The following PTPRD variants were observed in gnomAD, a reference collection of about 807,000 sequenced individuals.
PTPRD encodes receptor-type tyrosine-protein phosphatase delta.
A neutral mutation model predicts 214.5 loss-of-function variants in PTPRD; 34 were observed. The observed-to-expected ratio is 0.16, with a 90% CI of 0.12 to 0.21. PTPRD has a LOEUF of 0.21. PTPRD is among the 10% of genes least tolerant of loss of function. The pLI is 1.00. For missense variants in PTPRD, 2,545 were observed against 2,398.7 expected (o/e 1.06, Z -1.27); for synonymous variants, 1,128 against 845.7 (o/e 1.33, Z -5.79).
intron 8 of PTPRD, among the ~76,000 whole-genome samples, chr9:9,503,821 C>T (rs2096497527): frequency 6.6e-6 from 1 of 151,692 alleles, no homozygotes; most frequent in Admixed American, 6.6e-5. Flanking sequence ...ATGCCTATCA[C>T]AGAAGACTGC....
intron 14 of PTPRD, among the ~76,000 whole-genome samples, chr9:8,614,499 G>A (rs1213692679): frequency 1.3e-5 from 2 of 152,160 alleles, no homozygotes; most frequent in Non-Finnish European, 2.9e-5. Context: ...CAGGATAAAT[G>A]AGGGTAGACT....
chr9:10,562,547 A>G (rs1410528389), intron 2 of PTPRD, among the ~76,000 whole-genome samples: 15 of 152,144 alleles, frequency 9.9e-5, no homozygotes, highest in African/African-American at 3.6e-4. Context: ...AACATCTTGA[A>G]ATCCTGAATA....
At chr9:9,380,774 G>T (rs1030378222) in intron 9 of PTPRD, among the ~76,000 whole-genome samples, 1 of 152,066 alleles carries the variant, frequency 6.6e-6, no homozygotes. Flanking sequence ...TCTGATACAG[G>T]ACTGTCAAAA....
At position 8,526,650 on chromosome 9, in the gene PTPRD, T is replaced by C; in HGVS notation, c.551-6A>G. ...ACCTCTTATTGGTGTACCACCTGGG[T>C]GGATAATATGAATGCAAATAAGATT... On this transcript the variant is annotated splice_polypyrimidine_tract_variant and splice_region_variant and intron_variant, in intron 16 of 45. Transcript: ENST00000381196. The C allele has an allele frequency of 6.4e-7, 1 of 1,571,474 alleles. No individual in the cohort carries two copies. Among genetic ancestry groups the C allele is most frequent in the Non-Finnish European group, 8.7e-7 (1 of 1,155,508 alleles).
At chr9:9,440,592 CAAGG>C (rs1201324538) in intron 8 of PTPRD, among the ~76,000 whole-genome samples, 1 of 152,140 alleles carries the variant, frequency 6.6e-6, no homozygotes, top group Non-Finnish European at 1.5e-5. Context: ...TAAAAGTCTC[CAAGG>C]AATGATACTG....
intron 3 of PTPRD, among the ~76,000 whole-genome samples, chr9:10,236,767 A>C (rs185510648): frequency 6.6e-6 from 1 of 151,932 alleles, no homozygotes; most frequent in Non-Finnish European, 1.5e-5. Context: ...TTCATGTTTT[A>C]GTTCAAAATA....
At chr9:10,030,794 T>C (rs1381036217) in intron 4 of PTPRD, among the ~76,000 whole-genome samples, 1 of 152,186 alleles carries the variant, frequency 6.6e-6, no homozygotes, top group Non-Finnish European at 1.5e-5. Context: ...CCAGGTAATT[T>C]GTCATACTCC....
intron 3 of PTPRD, among the ~76,000 whole-genome samples, chr9:10,190,483 C>T (rs2099358926): frequency 1.4e-5 from 2 of 144,694 alleles, no homozygotes; most frequent in Admixed American, 7.0e-5. Context: ...TTTGTGAGGC[C>T]GAGGCAGGTG....
chr9:10,391,767 A>G (rs978236503), intron 2 of PTPRD, among the ~76,000 whole-genome samples: 4 of 151,790 alleles, frequency 2.6e-5, no homozygotes, highest in Admixed American at 6.6e-5. Flanking sequence ...TCTCCTGTGC[A>G]CAAATTCCAA....
intron 5 of PTPRD, among the ~76,000 whole-genome samples, chr9:9,789,951 G>A (rs2098955795): frequency 6.6e-6 from 1 of 152,006 alleles, no homozygotes; most frequent in Non-Finnish European, 1.5e-5. Flanking sequence ...AAAAACAGAG[G>A]TTAATCATTT....
At chr9:10,338,802 A>G (rs1468879454) in intron 3 of PTPRD, among the ~76,000 whole-genome samples, 1 of 151,752 alleles carries the variant, frequency 6.6e-6, no homozygotes, top group Non-Finnish European at 1.5e-5. Flanking sequence ...AAAAATACAT[A>G]TTTTTCTCTA....
At chr9:10,477,423 A>G (rs2099070295) in intron 2 of PTPRD, among the ~76,000 whole-genome samples, 1 of 152,214 alleles carries the variant, frequency 6.6e-6, no homozygotes, top group Non-Finnish European at 1.5e-5. Flanking sequence ...AATCAAAACC[A>G]CAATGAGATA....
intron 8 of PTPRD, among the ~76,000 whole-genome samples, chr9:9,418,885 A>G (rs2077778709): frequency 6.6e-6 from 1 of 151,974 alleles, no homozygotes; most frequent in Non-Finnish European, 1.5e-5. Context: ...GATATGTGCT[A>G]GAAAGAAAGG....
chr9:10,025,229 T>A (rs963809644), intron 4 of PTPRD, among the ~76,000 whole-genome samples: 4 of 152,172 alleles, frequency 2.6e-5, no homozygotes, highest in African/African-American at 9.7e-5. Context: ...ATGGTTGAAC[T>A]ACTTTACAGT....
chr9:9,854,280 T>C (rs2061114689), intron 5 of PTPRD, among the ~76,000 whole-genome samples: 1 of 152,168 alleles, frequency 6.6e-6, no homozygotes, highest in African/African-American at 2.4e-5. Context: ...AAGCAACCCA[T>C]GGTCATATAG....
In PTPRD at chr9:10,449,372, G is replaced by C. The variant is rs1294909042; in HGVS notation, c.-599-108355C>G. Among the ~76,000 whole-genome samples the C allele has an allele frequency of 2.0e-5, 3 of 151,850 alleles. No individual in the cohort carries two copies. In the East Asian group the frequency reaches 5.8e-4, roughly 29 times the overall value. On this transcript the variant is annotated intron_variant, in intron 2 of 45. Coordinates refer to ENST00000381196, the MANE Select transcript of PTPRD (RefSeq NM_002839.4). Reference sequence around the variant, plus strand: ...GTCGCCCAGGCTGGAGTGCAGTGGCGTGATCTCCGCTCGCTACAACCTCCA... The same window carrying C: ...GTCGCCCAGGCTGGAGTGCAGTGGCCTGATCTCCGCTCGCTACAACCTCCA...
intron 7 of PTPRD, among the ~76,000 whole-genome samples, chr9:9,615,453 C>G (rs1564073952): frequency 1.3e-5 from 2 of 152,330 alleles, no homozygotes; most frequent in South Asian, 2.1e-4. Flanking sequence ...ACCATGTCTT[C>G]TCCAAGGGAA....
At chr9:10,141,386 A>G (rs2098983937) in intron 3 of PTPRD, among the ~76,000 whole-genome samples, 1 of 152,150 alleles carries the variant, frequency 6.6e-6, no homozygotes, top group African/African-American at 2.4e-5. Context: ...TTAAGCTGAT[A>G]AGCAACTTCA....
intron 10 of PTPRD, among the ~76,000 whole-genome samples, chr9:9,174,119 G>A (rs190307176): frequency 7.2e-5 from 11 of 152,128 alleles, no homozygotes; most frequent in African/African-American, 2.6e-4. Context: ...AAATATATTT[G>A]TTTATACCAT....
Sources: allele counts gnomAD v4.1 joint callset (sites outside exome capture counted in the v4.1 genomes callset), GRCh38; gene constraint gnomAD v4.1.1; transcripts MANE v1.5; gene names NCBI Gene and HGNC (gene_info 2026-07-23, HGNC 2026-07-21).